The following ARHGAP42 variants were observed in gnomAD, a reference collection of about 807,000 sequenced individuals.
ARHGAP42 encodes the protein Rho GTPase activating protein 42.
Under a neutral mutation model 125.0 loss-of-function variants are expected in ARHGAP42, and 63 were observed. The ratio of observed to expected loss-of-function variants is 0.50; its 90% confidence interval spans 0.41 to 0.62. The LOEUF is 0.62. Among genes scored for constraint, ARHGAP42 ranks in the 20% least tolerant of loss-of-function variants. The pLI is 0.00. For missense variants in ARHGAP42, 766 were observed against 1,024.2 expected (o/e 0.75, Z 3.44); for synonymous variants, 339 against 351.0 (o/e 0.97, Z 0.38).
At chr11:100,846,273 T>C (rs915939158) in intron 3 of ARHGAP42, among the ~76,000 whole-genome samples, 9 of 152,180 alleles carry the variant, frequency 5.9e-5, no homozygotes, top group African/African-American at 2.2e-4. Flanking sequence ...ATCTTCATAC[T>C]GAATCCATGC....
chr11:100,748,035 T>C (rs950895362), intron 1 of ARHGAP42, among the ~76,000 whole-genome samples: 9 of 149,528 alleles, frequency 6.0e-5, no homozygotes, highest in Non-Finnish European at 1.3e-4. Context: ...AGCAAACTTC[T>C]GTCATGTCTG....
intron 17 of ARHGAP42, among the ~76,000 whole-genome samples, 177 bp downstream of exon 17, chr11:100,965,953 C>G (rs1302935733): frequency 3.3e-5 from 5 of 152,006 alleles, no homozygotes; most frequent in Non-Finnish European, 7.4e-5. Context: ...AGTGTGTGTA[C>G]CTGTATATGT....
At chr11:100,870,673 C>T (rs182812980) in intron 4 of ARHGAP42, among the ~76,000 whole-genome samples, 34 of 152,220 alleles carry the variant, frequency 2.2e-4, no homozygotes, top group African/African-American at 8.2e-4. Context: ...TTGGAAAACA[C>T]AAACAAGTAC....
At chr11:100,969,492 A>T (rs1565300119) in intron 17 of ARHGAP42, among the ~76,000 whole-genome samples, 1 of 152,058 alleles carries the variant, frequency 6.6e-6, no homozygotes, top group Non-Finnish European at 1.5e-5. Context: ...TTATGCATTT[A>T]TGAGTGTGCT....
intron 2 of ARHGAP42, among the ~76,000 whole-genome samples, chr11:100,774,557 C>T (rs941508290): frequency 3.3e-5 from 5 of 152,112 alleles, no homozygotes; most frequent in African/African-American, 2.4e-5. Flanking sequence ...TGGGTCATGT[C>T]AGTGCAAAAT....
At chr11:100,692,820 AG>A (rs1297712191) in intron 1 of ARHGAP42, among the ~76,000 whole-genome samples, 1 of 152,214 alleles carries the variant, frequency 6.6e-6, no homozygotes, top group African/African-American at 2.4e-5. Context: ...GGGTGTTTAT[AG>A]TGAAGGAAAA....
intron 2 of ARHGAP42, among the ~76,000 whole-genome samples, chr11:100,775,891 G>A (rs892056902): frequency 6.6e-6 from 1 of 152,184 alleles, no homozygotes; most frequent in Non-Finnish European, 1.5e-5. Flanking sequence ...CGGGTACGGT[G>A]GCTCACGCTT....
intron 4 of ARHGAP42, among the ~76,000 whole-genome samples, chr11:100,865,926 A>G (rs145806885): frequency 9.2e-5 from 14 of 152,264 alleles, no homozygotes; most frequent in African/African-American, 3.1e-4. Context: ...ACTACAGTGA[A>G]GTTTGCCTCA....
intron 4 of ARHGAP42, among the ~76,000 whole-genome samples, chr11:100,877,141 T>A (rs776603196): frequency 6.6e-6 from 1 of 152,216 alleles, no homozygotes; most frequent in Non-Finnish European, 1.5e-5. Flanking sequence ...CTTGTATTTT[T>A]AAAAATCTGT....
chr11:100,843,084 AAAG>A (rs1200697284), intron 3 of ARHGAP42, among the ~76,000 whole-genome samples: 8 of 152,162 alleles, frequency 5.3e-5, no homozygotes, highest in Admixed American at 2.0e-4. Flanking sequence ...TTAACCAAGA[AAAG>A]AAGAGAGAAA....
chr11:100,847,519 G>T (rs975367420), intron 3 of ARHGAP42, among the ~76,000 whole-genome samples: 2 of 152,118 alleles, frequency 1.3e-5, no homozygotes, highest in African/African-American at 2.4e-5. Context: ...GATGATAAAC[G>T]CTGGGGAGTG....
intron 3 of ARHGAP42, among the ~76,000 whole-genome samples, chr11:100,806,301 C>T (rs992880539): frequency 2.0e-5 from 3 of 152,086 alleles, no homozygotes; most frequent in African/African-American, 7.2e-5. Flanking sequence ...AAAGATTTCC[C>T]TTTATTTATT....
rs1565310151 is a variant in ARHGAP42 at position 100,990,134 on chromosome 11, T to C, written c.*1333T>C. ...TTCAATAATTCTAATATATTATTTC[T>C]ATAAATGTAATATCTGTATGTGGCA... On this transcript the variant is annotated 3_prime_UTR_variant, in exon 24 of 24. Coordinates refer to ENST00000298815, the MANE Select transcript of ARHGAP42 (RefSeq NM_152432.4). 1 of 152,158 alleles carries C rather than the reference T, an allele frequency of 6.6e-6. No individual in the cohort carries two copies. Among genetic ancestry groups the C allele is most frequent in the Non-Finnish European group, 1.5e-5 (1 of 68,032 alleles). 9.4% of individuals were successfully genotyped at this position (152,158 alleles called of 1,614,324 possible).
chr11:100,877,985 A>C (rs1865863862), intron 4 of ARHGAP42, among the ~76,000 whole-genome samples: 1 of 138,960 alleles, frequency 7.2e-6, no homozygotes, highest in South Asian at 2.5e-4. Flanking sequence ...AGCCTGGGTG[A>C]CGCAGCGAGA....
chr11:100,972,035 C>A (rs114418588), intron 17 of ARHGAP42, among the ~76,000 whole-genome samples: 1 of 152,150 alleles, frequency 6.6e-6, no homozygotes, highest in East Asian at 1.9e-4. Flanking sequence ...ACTCTTCTTA[C>A]TTGAAGTAAA....
At chr11:100,782,859 A>G (rs1863347919) in intron 2 of ARHGAP42, among the ~76,000 whole-genome samples, 1 of 152,180 alleles carries the variant, frequency 6.6e-6, no homozygotes, top group African/African-American at 2.4e-5. Flanking sequence ...TCAAGTAAGG[A>G]AGTAAAGATG....
chr11:100,833,653 C>T (rs1448365114), intron 3 of ARHGAP42, among the ~76,000 whole-genome samples: 3 of 152,320 alleles, frequency 2.0e-5, no homozygotes, highest in South Asian at 2.1e-4. Context: ...AGATTTCTTA[C>T]ATGTAATATG....
intron 4 of ARHGAP42, among the ~76,000 whole-genome samples, chr11:100,912,126 A>C (rs778311521): frequency 1.3e-5 from 2 of 152,162 alleles, no homozygotes; most frequent in Non-Finnish European, 2.9e-5. Flanking sequence ...CAATGGATCA[A>C]AATTACATTT....
intron 4 of ARHGAP42, among the ~76,000 whole-genome samples, chr11:100,866,212 A>G (rs1865566360): frequency 1.3e-5 from 2 of 152,154 alleles, no homozygotes; most frequent in African/African-American, 4.8e-5. Flanking sequence ...GATTGCAGCA[A>G]TTCAGTCTTG....
Sources: gnomAD v4.1 joint callset for allele counts (sites outside exome capture counted in the v4.1 genomes callset) on GRCh38, gnomAD v4.1.1 for gene constraint, MANE v1.5 for transcripts, NCBI Gene and HGNC (gene_info 2026-07-23, HGNC 2026-07-21) for gene names.